Variants in GPRC6A observed in about 807,000 individuals in gnomAD.
The protein encoded by GPRC6A is G protein-coupled receptor family C group 6 member A.
In GPRC6A, 54 loss-of-function variants were observed where a neutral mutation model predicts 47.0. The ratio of observed to expected loss-of-function variants is 1.15; its 90% CI spans 0.92 to 1.44. The LOEUF (loss-of-function observed/expected upper bound fraction) is 1.44. Among genes scored for constraint, GPRC6A ranks in the 40% most tolerant of loss-of-function variants. The pLI is 0.00. For synonymous variants in GPRC6A, 347 were observed against 377.1 expected, an observed-to-expected ratio of 0.92 and a Z score of 0.93; for missense variants, 1,112 against 1,105.5, an observed-to-expected ratio of 1.01 and a Z score of -0.08.
chr6:116,806,294 C>A, intron 3 of GPRC6A, 76 bp downstream of exon 3: 3 of 900,436 alleles, frequency 3.3e-6, no homozygotes, highest in Admixed American at 2.2e-5. Flanking sequence ...TAATATAAAT[C>A]TTTGCAAATT....
intron 1 of GPRC6A, among the ~76,000 whole-genome samples, chr6:116,820,607 C>G (rs1241492423): frequency 6.7e-6 from 1 of 149,046 alleles, no homozygotes; most frequent in Non-Finnish European, 1.5e-5. Context: ...AAGACAAAAA[C>G]CACATGATTA....
intron 5 of GPRC6A, among the ~76,000 whole-genome samples, chr6:116,793,513 A>G (rs1359363661): frequency 1.3e-5 from 2 of 152,162 alleles, no homozygotes; most frequent in Non-Finnish European, 2.9e-5. Context: ...TTAGGAAATG[A>G]ATATACTCAG....
chr6:116,802,068 T>C (rs1772693128), intron 3 of GPRC6A, among the ~76,000 whole-genome samples: 1 of 152,186 alleles, frequency 6.6e-6, no homozygotes, highest in Non-Finnish European at 1.5e-5. Context: ...TCCACACAAG[T>C]GTTTGAACTA....
At chr6:116,815,150 C>G (rs932550254) in intron 1 of GPRC6A, among the ~76,000 whole-genome samples, 4 of 152,060 alleles carry the variant, frequency 2.6e-5, no homozygotes, top group African/African-American at 4.8e-5. Flanking sequence ...CCCTAATGAG[C>G]ATTAGGTGGA....
intron 1 of GPRC6A, 152 bp from the exon 2 acceptor site, chr6:116,809,769 A>T: frequency 1.7e-6 from 1 of 581,696 alleles, no homozygotes. Flanking sequence ...ACAATTTTTC[A>T]TGATAATATT....
At position 116,809,510 on chromosome 6, in the gene GPRC6A, T is replaced by A. The variant is rs185709000; in HGVS notation, c.302A>T (p.Asp101Val). The change falls in exon 2 of 6, where the codon GAC becomes GTC. Residue 101 changes from aspartate (D) to valine (V), a missense_variant. Asp to Val is a radical substitution (Grantham distance 152). Coordinates refer to ENST00000310357, the MANE Select transcript of GPRC6A (RefSeq NM_148963.4). Reference protein sequence around the residue: ...PGVKLGYEIYDTCTEVTVAMA... With the variant: ...PGVKLGYEIYVTCTEVTVAMA... ...TGCCACTGTGACTTCTGTACAAGTG[T>A]CATAGATTTCATACCCCAGTTTGAC... The A allele has an allele frequency of 1.2e-6, 2 of 1,613,372 alleles. No individual in the cohort carries two copies.
At chr6:116,816,099 C>T (rs1773196085) in intron 1 of GPRC6A, among the ~76,000 whole-genome samples, 1 of 152,208 alleles carries the variant, frequency 6.6e-6, no homozygotes, top group African/African-American at 2.4e-5. Flanking sequence ...CCCTGGCTCC[C>T]TCCCAAATCT....
intron 3 of GPRC6A, among the ~76,000 whole-genome samples, chr6:116,805,373 A>G (rs532459005): frequency 6.6e-6 from 1 of 152,042 alleles, no homozygotes; most frequent in South Asian, 2.1e-4. Flanking sequence ...AAAAAAAAAA[A>G]TGACAAAAGT....
At chr6:116,798,149 A>G (rs1170654254) in intron 4 of GPRC6A, among the ~76,000 whole-genome samples, 8 of 152,232 alleles carry the variant, frequency 5.3e-5, no homozygotes, top group Admixed American at 6.5e-5. Flanking sequence ...CAAAATGTAC[A>G]GAATGACAGA....
At chr6:116,818,022 T>TA (rs1454425754) in intron 1 of GPRC6A, among the ~76,000 whole-genome samples, 1 of 152,044 alleles carries the variant, frequency 6.6e-6, no homozygotes, top group Admixed American at 6.5e-5. Context: ...ATTCAGGAAA[T>TA]ACAGAGAACG....
At chr6:116,799,303 C>A (rs1462318266) in intron 4 of GPRC6A, among the ~76,000 whole-genome samples, 1 of 152,032 alleles carries the variant, frequency 6.6e-6, no homozygotes, top group Admixed American at 6.6e-5. Context: ...AGCCCCAAAC[C>A]TGGATAAGAT....
At chr6:116,798,043 G>A (rs1241491063) in intron 4 of GPRC6A, among the ~76,000 whole-genome samples, 1 of 152,196 alleles carries the variant, frequency 6.6e-6, no homozygotes, top group African/African-American at 2.4e-5. Flanking sequence ...GTTAGGCACT[G>A]TTCTAATTGT....
In GPRC6A at chr6:116,828,844, C is replaced by A; in HGVS notation, c.170G>T (p.Arg57Leu). Reference sequence around the variant, plus strand: ...CCCAACACACTCCTGGATTTGTGGTCGTCTGGGAGAGTCTTCTGAGGACAA... The same window carrying A: ...CCCAACACACTCCTGGATTTGTGGTAGTCTGGGAGAGTCTTCTGAGGACAA... ...KMLSSEDSPRRPQIQECVGFE... is the reference protein window; with the variant it reads ...KMLSSEDSPRLPQIQECVGFE... The change falls in exon 1 of 6, where the codon CGA (arginine) becomes CTA (leucine). Residue 57 changes from arginine (R) to leucine (L), a missense_variant. Transcript: ENST00000310357. 1 of 1,612,282 alleles carries A rather than the reference C, an allele frequency of 6.2e-7. No homozygotes were observed. The highest frequency in any genetic ancestry group is 8.5e-7 in the Non-Finnish European group (1 of 1,178,976).
intron 3 of GPRC6A, 56 bp from the exon 4 acceptor site, chr6:116,800,852 A>G: frequency 9.7e-7 from 1 of 1,025,788 alleles, no homozygotes; most frequent in Non-Finnish European, 1.5e-6. Flanking sequence ...AAATGTATCC[A>G]TTATTCTAAT....
chr6:116,808,924 C>G (rs1040945745), intron 2 of GPRC6A, among the ~76,000 whole-genome samples: 2 of 152,082 alleles, frequency 1.3e-5, no homozygotes, highest in Non-Finnish European at 2.9e-5. Flanking sequence ...TCAAAGCCTT[C>G]CCATCATATT....
rs1772589641 is a variant in GPRC6A at position 116,799,335 on chromosome 6, A to T, written c.1548+1249T>A. ...AGATCACTAAGGAAAGGTGTAGATA[A>T]AAAGAGGAGCAGTTCTGAGTCCTGG... On this transcript the variant is annotated intron_variant, in intron 4 of 5. Coordinates refer to ENST00000310357, the MANE Select transcript of GPRC6A (RefSeq NM_148963.4). Among the ~76,000 whole-genome samples the T allele has an allele frequency of 2.6e-5, 4 of 151,828 alleles. No homozygotes were observed. In the South Asian group the frequency reaches 6.2e-4, roughly 24 times the overall value.
At chr6:116,815,922 C>A (rs1321660348) in intron 1 of GPRC6A, among the ~76,000 whole-genome samples, 1 of 152,186 alleles carries the variant, frequency 6.6e-6, no homozygotes, top group African/African-American at 2.4e-5. Context: ...GGCTCATGGT[C>A]CTGCAGGCTG....
At chr6:116,824,973 TGAA>T (rs1366701682) in intron 1 of GPRC6A, among the ~76,000 whole-genome samples, 1 of 151,938 alleles carries the variant, frequency 6.6e-6, no homozygotes, top group African/African-American at 2.4e-5. Context: ...ATCAACAGGA[TGAA>T]GGACAAAAAC....
At chr6:116,805,217 T>G (rs1309981121) in intron 3 of GPRC6A, among the ~76,000 whole-genome samples, 1 of 152,004 alleles carries the variant, frequency 6.6e-6, no homozygotes, top group African/African-American at 2.4e-5. Flanking sequence ...TTTTACCTCC[T>G]TATTAGATTT....
Sources: gnomAD v4.1 joint callset for allele counts (sites outside exome capture counted in the v4.1 genomes callset) on GRCh38, gnomAD v4.1.1 for gene constraint, MANE v1.5 for transcripts, NCBI Gene and HGNC (gene_info 2026-07-23, HGNC 2026-07-21) for gene names.